GPC3: variants seen among roughly 807,000 people sequenced by gnomAD.
The protein encoded by GPC3 is glypican 3, also known as glypican-3.
Under a neutral mutation model 34.4 loss-of-function variants are expected in GPC3, and 3 were observed. The observed-to-expected ratio is 0.09, with a 90% CI of 0.04 to 0.23. The LOEUF is 0.23. Ranked by LOEUF, GPC3 falls within the 10% of genes least tolerant of loss-of-function variation. The probability of loss-of-function intolerance (pLI) is 1.00; values close to 1 mark genes in which losing one functional copy is unlikely to be tolerated. For missense variants in GPC3, 351 were observed against 445.6 expected, an observed-to-expected ratio of 0.79 and a Z score of 1.91; for synonymous variants, 177 against 174.0, an observed-to-expected ratio of 1.02 and a Z score of -0.13.
chrX:133,903,682 C>T (rs777030385), intron 2 of GPC3, among the ~76,000 whole-genome samples: 1 of 112,097 alleles, frequency 8.9e-6, no homozygotes, highest in Non-Finnish European at 1.9e-5. Context: ...ACTTGTATTT[C>T]CTTTGCAGCA....
intron 6 of GPC3, among the ~76,000 whole-genome samples, chrX:133,659,538 G>T (rs895328450): frequency 9.0e-6 from 1 of 111,353 alleles, no homozygotes; most frequent in Non-Finnish European, 1.9e-5. Flanking sequence ...ACCCAAAACC[G>T]ATGAGCAGCA....
intron 6 of GPC3, among the ~76,000 whole-genome samples, chrX:133,597,148 T>C (rs1004910317): frequency 1.8e-5 from 2 of 112,154 alleles, no homozygotes; most frequent in African/African-American, 6.5e-5. Context: ...ATTATTCTCC[T>C]CTCCCGCAAT....
chrX:133,644,243 C>T (rs1365060175), intron 6 of GPC3, among the ~76,000 whole-genome samples: 1 of 111,493 alleles, frequency 9.0e-6, no homozygotes, highest in African/African-American at 3.3e-5. Context: ...TAGTTTCTGG[C>T]TACTTCAAGT....
intron 3 of GPC3, among the ~76,000 whole-genome samples, chrX:133,752,052 T>C (rs1603240141): frequency 9.1e-6 from 1 of 110,328 alleles, no homozygotes; most frequent in East Asian, 2.8e-4. Flanking sequence ...TATTTATTGG[T>C]AGAGATGGGG....
chrX:133,658,974 A>G (rs1238949665), intron 6 of GPC3, among the ~76,000 whole-genome samples: 1 of 112,032 alleles, frequency 8.9e-6, no homozygotes, highest in Non-Finnish European at 1.9e-5. Flanking sequence ...TTAGACTCGC[A>G]GAAAGTACTG....
At chrX:133,722,149 C>G (rs2071373649) in intron 3 of GPC3, among the ~76,000 whole-genome samples, 1 of 111,495 alleles carries the variant, frequency 9.0e-6, no homozygotes, top group Admixed American at 9.6e-5. Context: ...TAGTCTGTAA[C>G]TTATCTGATA....
intron 3 of GPC3, among the ~76,000 whole-genome samples, chrX:133,739,903 G>A (rs1366729574): frequency 3.6e-5 from 4 of 110,842 alleles, no homozygotes; most frequent in Non-Finnish European, 7.6e-5. Context: ...AAAACAGAGA[G>A]AGAGAAAGTC....
chrX:133,771,786 C>T (rs2071923442), intron 2 of GPC3, among the ~76,000 whole-genome samples: 1 of 112,026 alleles, frequency 8.9e-6, no homozygotes, highest in South Asian at 3.8e-4. Flanking sequence ...TCTCCTTAGG[C>T]TATAAATTCT....
intron 2 of GPC3, among the ~76,000 whole-genome samples, chrX:133,917,634 A>G (rs971481891): frequency 8.9e-6 from 1 of 112,038 alleles, no homozygotes; most frequent in African/African-American, 3.2e-5. Flanking sequence ...AGGATCTGTC[A>G]TGTGTGTTTT....
Position 133,657,898 on chromosome X carries a change from CAGAGAG to C in GPC3, c.1413+3826_1413+3831del, listed in dbSNP as rs749162174. Reference sequence around the variant, plus strand: ...GATGGACGCACATGGGGCATACATGCAGAGAGAGAGAGAGAGAGAGAGAGAGAGAGA... The same window carrying C: ...GATGGACGCACATGGGGCATACATGCAGAGAGAGAGAGAGAGAGAGAGAGA... On this transcript the variant is annotated intron_variant, in intron 6 of 7. Transcript: ENST00000370818. Among the ~76,000 whole-genome samples, 850 of 85,500 alleles carry C rather than the reference CAGAGAG, an allele frequency of 9.9e-3. 12 individuals carry two copies. Among genetic ancestry groups the C allele is most frequent in the African/African-American group, 0.035 (703 of 20,026 alleles). 74.2% of individuals were successfully genotyped at this position (85,500 alleles called of 115,157 possible). A position where few individuals can be genotyped will look rare whatever the true frequency, so the allele number is the denominator to read the frequency against.
intron 2 of GPC3, among the ~76,000 whole-genome samples, chrX:133,903,990 C>T (rs1414253234): frequency 8.9e-6 from 1 of 112,054 alleles, no homozygotes; most frequent in Non-Finnish European, 1.9e-5. Context: ...AGAGCTTCAT[C>T]CAGGTAGTTG....
chrX:133,547,495 C>T (rs1015252159), intron 7 of GPC3, among the ~76,000 whole-genome samples: 5 of 111,032 alleles, frequency 4.5e-5, no homozygotes, highest in African/African-American at 1.6e-4. Context: ...CCAAATGGTA[C>T]TCGTCTGTGC....
In GPC3 at chrX:133,985,364, G is replaced by A. The variant is rs1316184947; in HGVS notation, c.86C>T (p.Pro29Leu). 8.3e-7 allele frequency: 1 copy of A among 1,201,291 alleles called. No homozygotes were observed. Among genetic ancestry groups the A allele is most frequent in the Non-Finnish European group, 1.1e-6 (1 of 890,756 alleles). Residue 29 changes from proline to leucine, a missense_variant, in exon 1 of 8, where the codon CCG becomes CTG. Transcript: ENST00000370818. ...DFPGQAQPPP[P>L]PPDATCHQVR... is the part of the protein sequence containing the mutation. Reference sequence around the variant, plus strand: ...TTGGTGACAGGTGGCGTCCGGCGGCGGCGGCGGGGGCTGCGCCTGTCCCGG... The same window carrying A: ...TTGGTGACAGGTGGCGTCCGGCGGCAGCGGCGGGGGCTGCGCCTGTCCCGG...
At chrX:133,617,196 C>A (rs1315911836) in intron 6 of GPC3, among the ~76,000 whole-genome samples, 1 of 112,109 alleles carries the variant, frequency 8.9e-6, no homozygotes, top group East Asian at 2.8e-4. Flanking sequence ...TCCAGCCAAA[C>A]AATTTTCACC....
chrX:133,589,980 G>A (rs2069831226), intron 7 of GPC3, among the ~76,000 whole-genome samples: 1 of 111,156 alleles, frequency 9.0e-6, no homozygotes, highest in Non-Finnish European at 1.9e-5. Flanking sequence ...GTATGAAGAG[G>A]TGGGGCTTTT....
At chrX:133,663,540 C>T (rs1022703740) in intron 5 of GPC3, among the ~76,000 whole-genome samples, 1 of 111,493 alleles carries the variant, frequency 9.0e-6, no homozygotes, top group African/African-American at 3.3e-5. Flanking sequence ...GCATGAGCCA[C>T]GGTGCCCAGC....
At chrX:133,728,576 G>A (rs2071434687) in intron 3 of GPC3, among the ~76,000 whole-genome samples, 1 of 112,451 alleles carries the variant, frequency 8.9e-6, no homozygotes, top group Admixed American at 9.4e-5. Context: ...CCACCAGTCC[G>A]GCCTAGTGGC....
intron 2 of GPC3, among the ~76,000 whole-genome samples, chrX:133,760,066 C>A (rs1167843360): frequency 9.0e-6 from 1 of 111,552 alleles, no homozygotes; most frequent in Non-Finnish European, 1.9e-5. Context: ...TAGGGAACTG[C>A]AAATTAAAAT....
chrX:133,758,979 C>T (rs182386938), intron 2 of GPC3, among the ~76,000 whole-genome samples: 12 of 111,162 alleles, frequency 1.1e-4, no homozygotes, highest in Non-Finnish European at 9.4e-5. Flanking sequence ...CCCTTAACAT[C>T]AGGAACTAGG....
Sources: gnomAD v4.1 joint callset for allele counts (sites outside exome capture counted in the v4.1 genomes callset) on GRCh38, gnomAD v4.1.1 for gene constraint, MANE v1.5 for transcripts, NCBI Gene and HGNC (gene_info 2026-07-23, HGNC 2026-07-21) for gene names.